The following AGGF1 variants were observed in gnomAD, a reference collection of about 807,000 sequenced individuals.
AGGF1 encodes angiogenic factor with G-patch and FHA domains 1.
Under a neutral mutation model 86.5 loss-of-function variants are expected in AGGF1, and 56 were observed. The observed-to-expected ratio is 0.65, with a 90% confidence interval of 0.52 to 0.81. The LOEUF (loss-of-function observed/expected upper bound fraction) is 0.81. Among genes scored for constraint, AGGF1 ranks in the 30% least tolerant of loss-of-function variants. The pLI is 0.00. For missense variants in AGGF1, 816 were observed against 850.9 expected (o/e 0.96, Z 0.51); for synonymous variants, 313 against 297.1 (o/e 1.05, Z -0.55).
At chr5:77,035,515 G>A (rs759612371) in intron 2 of AGGF1, 26 bp from the exon 3 acceptor site, 58 of 1,554,744 alleles carry the variant, frequency 3.7e-5, no homozygotes, top group South Asian at 5.6e-5. Context: ...AATATGATAC[G>A]ATTTCACTTC....
At chr5:77,043,592 C>G (rs1580128480) in intron 5 of AGGF1, among the ~76,000 whole-genome samples, 2 of 127,288 alleles carry the variant, frequency 1.6e-5, no homozygotes, top group East Asian at 2.6e-4. Flanking sequence ...GGCTGACCCC[C>G]CCCCCCCCGG....
chr5:77,050,985 T>C (rs578208936), intron 8 of AGGF1, among the ~76,000 whole-genome samples: 30 of 152,182 alleles, frequency 2.0e-4, no homozygotes, highest in African/African-American at 6.3e-4. Flanking sequence ...TTATTAAATA[T>C]CACTCCTTTT....
intron 4 of AGGF1, among the ~76,000 whole-genome samples, chr5:77,038,164 C>T (rs999168466): frequency 6.6e-6 from 1 of 152,102 alleles, no homozygotes; most frequent in Non-Finnish European, 1.5e-5. Flanking sequence ...ATATGGTAAA[C>T]TGTAAGTCCT....
chr5:77,062,997 G>T (rs563164827), intron 13 of AGGF1, 55 bp from the exon 14 acceptor site: 18 of 1,591,596 alleles, frequency 1.1e-5, no homozygotes, highest in African/African-American at 4.0e-5. Context: ...GGACACAGCA[G>T]ATTTCAATGT....
At chr5:77,061,862 T>C in intron 13 of AGGF1, 60 bp downstream of exon 13, 20 of 1,501,104 alleles carry the variant, frequency 1.3e-5, no homozygotes, top group Non-Finnish European at 1.9e-5. Context: ...CCGTGTACAT[T>C]AATGTGCCAA....
intron 9 of AGGF1, among the ~76,000 whole-genome samples, chr5:77,053,410 T>C (rs1747409036): frequency 6.6e-6 from 1 of 152,112 alleles, no homozygotes; most frequent in Non-Finnish European, 1.5e-5. Flanking sequence ...TCCCAGCTAC[T>C]TGGGATGCTG....
chr5:77,053,467 C>T (rs1036073567), intron 9 of AGGF1, among the ~76,000 whole-genome samples: 8 of 152,016 alleles, frequency 5.3e-5, no homozygotes, highest in East Asian at 1.9e-4. Flanking sequence ...TGCAGTGAGC[C>T]GAGATCACGC....
At chr5:77,042,969 ACCTC>A (rs1747149312) in intron 5 of AGGF1, among the ~76,000 whole-genome samples, 1 of 46,854 alleles carries the variant, frequency 2.1e-5, no homozygotes, top group African/African-American at 7.5e-5. Context: ...CGACCCCCCC[ACCTC>A]CCTCCCGGAC....
intron 10 of AGGF1, among the ~76,000 whole-genome samples, chr5:77,054,748 ATAATT>A (rs1747431745): frequency 2.0e-5 from 3 of 152,300 alleles, no homozygotes; most frequent in South Asian, 4.1e-4. Context: ...GACTTAAGTA[ATAATT>A]TAATAAAGAC....
chr5:77,038,597 A>G (rs576358989), intron 4 of AGGF1, among the ~76,000 whole-genome samples: 6 of 152,304 alleles, frequency 3.9e-5, no homozygotes, highest in African/African-American at 1.4e-4. Context: ...TAAGAGAAAG[A>G]TGGTGAGAAA....
In AGGF1 at chr5:77,033,338, TTG is replaced by T. The variant is rs199808308; in HGVS notation, c.211-1079_211-1078del. ...CTTGTCTGATATTTTATGTGTAAAATTGGGGTTAGGACAACGAATATTTCAGG... is the reference window on the plus strand; with the variant it reads ...CTTGTCTGATATTTTATGTGTAAAATGGGTTAGGACAACGAATATTTCAGG... On this transcript the variant is annotated intron_variant, in intron 1 of 13. Transcript: ENST00000312916. 6.1e-3 allele frequency among the ~76,000 whole-genome samples: 931 copies of T among 152,316 alleles called. 9 individuals carry two copies. The highest frequency in any genetic ancestry group is 0.014 in the African/African-American group (585 of 41,556).
intron 5 of AGGF1, among the ~76,000 whole-genome samples, chr5:77,043,594 C>CACCT (rs779476258): frequency 1.0e-5 from 1 of 99,122 alleles, no homozygotes; most frequent in Admixed American, 1.1e-4. Context: ...CTGACCCCCC[C>CACCT]CCCCCCGGAT....
chr5:77,058,114 A>T (rs1747490965), intron 11 of AGGF1, among the ~76,000 whole-genome samples: 1 of 152,208 alleles, frequency 6.6e-6, no homozygotes, highest in African/African-American at 2.4e-5. Flanking sequence ...TATGTTTATT[A>T]TCTTGCTTAT....
chr5:77,046,894 A>G (rs1226744018), intron 6 of AGGF1, among the ~76,000 whole-genome samples: 1 of 152,226 alleles, frequency 6.6e-6, no homozygotes, highest in Non-Finnish European at 1.5e-5. Flanking sequence ...GTTTCATTGT[A>G]TTGAATGGCA....
chr5:77,033,047 C>T lies in AGGF1; in HGVS notation c.211-1371C>T, dbSNP rs143474248. 1.9e-3 allele frequency among the ~76,000 whole-genome samples: 286 copies of T among 152,330 alleles called. 3 individuals are homozygous for T. Among genetic ancestry groups the T allele is most frequent in the Non-Finnish European group, 2.7e-3 (185 of 68,028 alleles). ...ATTGCCTGAGAGGATCATCTGTCCTCCACATGCCTCCATTTTAGTCCAATA... is the reference window on the plus strand; with the variant it reads ...ATTGCCTGAGAGGATCATCTGTCCTTCACATGCCTCCATTTTAGTCCAATA... On this transcript the variant is annotated intron_variant, in intron 1 of 13. Coordinates refer to ENST00000312916, the MANE Select transcript of AGGF1 (RefSeq NM_018046.5).
chr5:77,033,018 G>A (rs1746900616), intron 1 of AGGF1, among the ~76,000 whole-genome samples: 1 of 152,152 alleles, frequency 6.6e-6, no homozygotes, highest in Non-Finnish European at 1.5e-5. Flanking sequence ...GCGAACAGAA[G>A]GTAATTGCCT....
chr5:77,052,746 A>G lies in AGGF1; in HGVS notation c.1406A>G (p.Tyr469Cys). 6.2e-7 allele frequency: 1 copy of G among 1,613,864 alleles called. No individual in the cohort carries two copies. Residue 469 changes from tyrosine to cysteine, a missense_variant, in exon 9 of 14, where the codon TAT (tyrosine) becomes TGT (cysteine). Tyr to Cys is a radical substitution (Grantham distance 194). This residue lies in a region of AGGF1 where 565 missense variants were observed against 585.8 expected (regional missense o/e 0.96). Transcript: ENST00000312916. Reference sequence around the variant, plus strand: ...TATTTTGACCATGACTTACAAAGTTATGTCCTTGTGGATCAAGGCAGTCAA... The same window carrying G: ...TATTTTGACCATGACTTACAAAGTTGTGTCCTTGTGGATCAAGGCAGTCAA... ...EIYFDHDLQS[Y>C]VLVDQGSQNG... is the part of the protein sequence containing the mutation.
At chr5:77,036,831 A>G (rs941763221) in intron 4 of AGGF1, 111 bp downstream of exon 4, 99 of 1,176,546 alleles carry the variant, frequency 8.4e-5, no homozygotes, top group Non-Finnish European at 1.1e-4. Context: ...TTCACCCCCC[A>G]GGTTCAAGTG....
chr5:77,063,191 A>T lies in AGGF1; in HGVS notation c.2084A>T (p.Glu695Val), dbSNP rs1198193978. 6.2e-6 allele frequency: 10 copies of T among 1,613,922 alleles called. No homozygotes were observed. Among genetic ancestry groups the T allele is most frequent in the Middle Eastern group, 1.6e-4 (1 of 6,082 alleles). Residue 695 changes from glutamate (E) to valine (V), a missense_variant, in exon 14 of 14, where the codon GAA becomes GTA. Transcript: ENST00000312916. The part of the protein sequence containing the change: ...ARERFTENFP[E>V]TKPQKDDPGT... ...GAGCGGTTTACTGAAAACTTCCCAG[A>T]AACTAAGCCTCAAAAAGATGACCCA...
Sources: allele counts gnomAD v4.1 joint callset (sites outside exome capture counted in the v4.1 genomes callset), GRCh38; gene constraint gnomAD v4.1.1; regional missense constraint gnomAD v4.1.1; transcripts MANE v1.5; gene names NCBI Gene and HGNC (gene_info 2026-07-23, HGNC 2026-07-21).